Variants in KLF8 observed in about 807,000 individuals in gnomAD.
KLF8 encodes Krueppel-like factor 8.
A neutral mutation model predicts 18.2 loss-of-function variants in KLF8; 10 were observed. The ratio of observed to expected loss-of-function variants is 0.55; its 90% CI spans 0.34 to 0.93. The LOEUF is 0.93. Among genes scored for constraint, KLF8 ranks in the 40% least tolerant of loss-of-function variants. KLF8 has a pLI of 0.02. For synonymous variants in KLF8, 109 were observed against 97.3 expected (o/e 1.12, Z -0.71); for missense variants, 264 against 277.9 (o/e 0.95, Z 0.36).
At chrX:56,178,340 T>C in the KLF8 span, among the ~76,000 whole-genome samples, 1 of 112,530 alleles carries the variant, frequency 8.9e-6, no homozygotes, top group East Asian at 2.8e-4. Context: ...TGTTTGATTT[T>C]TTCTTGTAAG....
At chrX:55,932,837 T>C in the KLF8 span, among the ~76,000 whole-genome samples, 5 of 111,396 alleles carry the variant, frequency 4.5e-5, no homozygotes, top group African/African-American at 1.6e-4. Context: ...AATTTGATGA[T>C]TATGTGTCTT....
chrX:55,914,536 C>G, the KLF8 span, among the ~76,000 whole-genome samples: 1 of 112,062 alleles, frequency 8.9e-6, no homozygotes, highest in Non-Finnish European at 1.9e-5. Flanking sequence ...GGAGTTTTGG[C>G]AAACTTGCCA....
the KLF8 span, among the ~76,000 whole-genome samples, chrX:56,075,766 A>T: frequency 9.0e-6 from 1 of 111,625 alleles, no homozygotes; most frequent in Non-Finnish European, 1.9e-5. Flanking sequence ...AGAACATGTG[A>T]TGTTTTTCTT....
the KLF8 span, among the ~76,000 whole-genome samples, chrX:56,140,440 G>T: frequency 9.0e-6 from 1 of 111,542 alleles, no homozygotes; most frequent in Non-Finnish European, 1.9e-5. Flanking sequence ...AAAGGAACAA[G>T]GTCATGTACT....
chrX:56,153,311 C>T, the KLF8 span, among the ~76,000 whole-genome samples: 1 of 109,272 alleles, frequency 9.2e-6, no homozygotes, highest in South Asian at 4.0e-4. Context: ...GCTATGATTG[C>T]ACCACTGCGC....
the KLF8 span, among the ~76,000 whole-genome samples, chrX:56,220,110 G>A: frequency 1.8e-5 from 2 of 112,045 alleles, no homozygotes; most frequent in South Asian, 3.7e-4. Flanking sequence ...TATTCCTTGC[G>A]CTAAAGATCT....
chrX:56,208,907 G>A, the KLF8 span, among the ~76,000 whole-genome samples: 2 of 111,441 alleles, frequency 1.8e-5, no homozygotes, highest in Admixed American at 9.5e-5. Flanking sequence ...AATTTTCCAC[G>A]TGCTAAAGAA....
At chrX:56,162,659 C>T in the KLF8 span, among the ~76,000 whole-genome samples, 1 of 111,572 alleles carries the variant, frequency 9.0e-6, no homozygotes, top group Non-Finnish European at 1.9e-5. Flanking sequence ...TTTCCAGGTG[C>T]CATCTGTCAC....
At chrX:55,985,837 G>A in the KLF8 span, among the ~76,000 whole-genome samples, 2 of 110,392 alleles carry the variant, frequency 1.8e-5, no homozygotes, top group African/African-American at 6.6e-5. Flanking sequence ...CCCTTCAAGA[G>A]GTCCTTCGCT....
At chrX:55,968,449 A>G in the KLF8 span, among the ~76,000 whole-genome samples, 2 of 112,402 alleles carry the variant, frequency 1.8e-5, no homozygotes, top group Middle Eastern at 4.6e-3. Context: ...GAGTAGTTAT[A>G]CCAGTGAAAA....
chrX:56,168,796 C>T, the KLF8 span, among the ~76,000 whole-genome samples: 1 of 111,073 alleles, frequency 9.0e-6, no homozygotes. Flanking sequence ...TGGTTTCCAG[C>T]TTCATCCATG....
intron 4 of KLF8, among the ~76,000 whole-genome samples, chrX:56,269,959 A>G (rs1050896215): frequency 9.0e-6 from 1 of 111,702 alleles, no homozygotes; most frequent in Admixed American, 9.5e-5. Context: ...ACCACCTCCC[A>G]TGCTTTCTCT....
At chrX:55,987,145 G>C in the KLF8 span, among the ~76,000 whole-genome samples, 1 of 107,552 alleles carries the variant, frequency 9.3e-6, no homozygotes, top group Non-Finnish European at 1.9e-5. Context: ...CTAGTAATGA[G>C]GCTGCTGGGT....
At chrX:56,199,876 A>G in the KLF8 span, among the ~76,000 whole-genome samples, 1 of 111,954 alleles carries the variant, frequency 8.9e-6, no homozygotes, top group Non-Finnish European at 1.9e-5. Flanking sequence ...TGTGGCACAT[A>G]TACAGCATGG....
chrX:56,225,572 T>C, the KLF8 span, among the ~76,000 whole-genome samples: 9 of 112,033 alleles, frequency 8.0e-5, no homozygotes, highest in Non-Finnish European at 1.9e-5. Context: ...GACCAATAGG[T>C]GGAAATATCA....
At chrX:56,190,258 G>T in the KLF8 span, among the ~76,000 whole-genome samples, 1 of 110,608 alleles carries the variant, frequency 9.0e-6, no homozygotes, top group Admixed American at 9.7e-5. Context: ...CAATGACAAA[G>T]GGGTCCACTG....
At chrX:56,053,544 G>GTTTTTTC in the KLF8 span, among the ~76,000 whole-genome samples, 1 of 68,742 alleles carries the variant, frequency 1.5e-5, no homozygotes, top group East Asian at 4.4e-4. Context: ...TCTTTTCTTT[G>GTTTTTTC]TTTTTTTTTT....
the KLF8 span, among the ~76,000 whole-genome samples, chrX:56,223,155 C>T: frequency 8.8e-6 from 1 of 113,234 alleles, no homozygotes; most frequent in Admixed American, 9.3e-5. Flanking sequence ...ACAATCAAAA[C>T]AACTGAAAGG....
At chrX:56,185,390 A>G in the KLF8 span, among the ~76,000 whole-genome samples, 1 of 112,441 alleles carries the variant, frequency 8.9e-6, no homozygotes, top group Non-Finnish European at 1.9e-5. Flanking sequence ...GACCAAATCT[A>G]CATCTGATTG....
Sources: allele counts gnomAD v4.1 joint callset (sites outside exome capture counted in the v4.1 genomes callset), GRCh38; gene constraint gnomAD v4.1.1; transcripts MANE v1.5; gene names NCBI Gene and HGNC (gene_info 2026-07-23, HGNC 2026-07-21).